The following MARF1 variants were observed in gnomAD, a reference collection of about 807,000 sequenced individuals.
MARF1 encodes meiosis regulator and mRNA stability factor 1, also known as limkain-b1.
In MARF1, 24 loss-of-function variants were observed where a neutral mutation model predicts 168.2. The ratio of observed to expected loss-of-function variants is 0.14; its 90% confidence interval spans 0.10 to 0.20. The LOEUF (loss-of-function observed/expected upper bound fraction) is 0.20, where lower values mean the gene tolerates loss of function less well. Ranked by LOEUF, MARF1 falls within the 10% of genes least tolerant of loss-of-function variation. MARF1 has a pLI of 1.00. For missense variants in MARF1, 1,744 were observed against 2,143.6 expected, an observed-to-expected ratio of 0.81 and a Z score of 3.68; for synonymous variants, 868 against 822.4, an observed-to-expected ratio of 1.06 and a Z score of -0.95.
chr16:15,634,998 A>G, intron 3 of MARF1, 67 bp from the exon 4 acceptor site: 5 of 1,388,900 alleles, frequency 3.6e-6, no homozygotes, highest in Non-Finnish European at 5.0e-6. Flanking sequence ...GGAGTTATAT[A>G]CAACAACTGA....
chr16:15,611,791 T>C, intron 17 of MARF1, 57 bp from the exon 18 acceptor site: 1 of 1,472,700 alleles, frequency 6.8e-7, no homozygotes, highest in Non-Finnish European at 9.4e-7. Flanking sequence ...GCGACTTCCT[T>C]GCTGCTGGCT....
chr16:15,622,557 A>G (rs1420094989), intron 11 of MARF1, among the ~76,000 whole-genome samples: 1 of 151,936 alleles, frequency 6.6e-6, no homozygotes, highest in Admixed American at 6.6e-5. Context: ...ACGCCCGGCT[A>G]ATTTTTTTTT....
chr16:15,603,696 G>A (rs1486891706), intron 22 of MARF1, among the ~76,000 whole-genome samples: 3 of 151,598 alleles, frequency 2.0e-5, no homozygotes, highest in East Asian at 1.9e-4. Context: ...TATATCTGTC[G>A]CCCGAGAATT....
intron 16 of MARF1, among the ~76,000 whole-genome samples, chr16:15,613,632 A>G (rs1334290050): frequency 6.8e-6 from 1 of 147,230 alleles, no homozygotes; most frequent in Admixed American, 6.9e-5. Flanking sequence ...ACTGCACTCC[A>G]GCCTGGGACA....
At chr16:15,613,599 TTGCAGTG>T (rs1353483987) in intron 16 of MARF1, among the ~76,000 whole-genome samples, 5 of 151,248 alleles carry the variant, frequency 3.3e-5, no homozygotes, top group African/African-American at 1.2e-4. Flanking sequence ...GAGGTGGAGC[TTGCAGTG>T]AGCCTAGATT....
chr16:15,596,685 A>T lies in MARF1; in HGVS notation c.*8T>A, dbSNP rs368818123. On this transcript the variant is annotated 3_prime_UTR_variant, in exon 27 of 27. Coordinates refer to ENST00000396368, the MANE Select transcript of MARF1 (RefSeq NM_014647.4). ...TTTCCCATCCTAATTCTATATTCCA[A>T]ATGGGAGTTAAAGCTTGGTTATAGG... 20 of 1,570,770 alleles carry T rather than the reference A, an allele frequency of 1.3e-5. No individual in the cohort carries two copies. The highest frequency in any genetic ancestry group is 1.5e-5 in the Non-Finnish European group (17 of 1,152,846).
In MARF1 at chr16:15,596,584, G is replaced by A. The variant is rs1596414544; in HGVS notation, c.*109C>T. On this transcript the variant is annotated 3_prime_UTR_variant, in exon 27 of 27. Coordinates refer to ENST00000396368, the MANE Select transcript of MARF1 (RefSeq NM_014647.4). Reference sequence around the variant, plus strand: ...AGAACACAGGTAAGATGAAGTCAATGGCTTCGGGGGGTTTTCATGACACAG... The same window carrying A: ...AGAACACAGGTAAGATGAAGTCAATAGCTTCGGGGGGTTTTCATGACACAG... The A allele has an allele frequency of 3.4e-6, 4 of 1,163,342 alleles. No individual in the cohort carries two copies. In the East Asian group the frequency reaches 1.0e-4, roughly 30 times the overall value. The allele number at this position is 1,163,342 out of a possible 1,614,324, so 72.1% of individuals were successfully genotyped here.
At chr16:15,609,378 A>G in intron 20 of MARF1, 145 bp downstream of exon 20, 1 of 627,616 alleles carries the variant, frequency 1.6e-6, no homozygotes. Flanking sequence ...AGTCAGGAAT[A>G]TGGCTTCTCT....
intron 16 of MARF1, 57 bp from the exon 17 acceptor site, chr16:15,612,834 A>C: frequency 6.8e-7 from 1 of 1,466,678 alleles, no homozygotes; most frequent in Non-Finnish European, 9.5e-7. Flanking sequence ...AGCTGAAAGA[A>C]GGGAAAATGG....
chr16:15,619,331 ATT>A (rs1029442770), intron 13 of MARF1, among the ~76,000 whole-genome samples: 1 of 152,210 alleles, frequency 6.6e-6, no homozygotes, highest in Non-Finnish European at 1.5e-5. Context: ...TTTCAATGAC[ATT>A]TGACATTTTG....
At chr16:15,599,295 A>C in intron 25 of MARF1, 1 of 467,780 alleles carries the variant, frequency 2.1e-6, no homozygotes, top group East Asian at 3.6e-5. Flanking sequence ...ACCAGAGAAA[A>C]GGGTCCTGCA....
At chr16:15,622,576 C>T (rs563211857) in intron 11 of MARF1, among the ~76,000 whole-genome samples, 2 of 152,034 alleles carry the variant, frequency 1.3e-5, no homozygotes, top group Admixed American at 6.6e-5. Flanking sequence ...TTAGTAGAGA[C>T]GGGGTTTCAC....
intron 16 of MARF1, among the ~76,000 whole-genome samples, chr16:15,615,486 G>A (rs774784918): frequency 7.2e-5 from 11 of 151,928 alleles, no homozygotes; most frequent in South Asian, 2.1e-4. Context: ...TTAGCTGGGC[G>A]TGGTGGCTGG....
At chr16:15,630,553 T>G (rs1338679915) in intron 6 of MARF1, 49 bp from the exon 7 acceptor site, 2 of 1,531,948 alleles carry the variant, frequency 1.3e-6, no homozygotes, top group Admixed American at 1.9e-5. Context: ...TTAGAAACAC[T>G]TGACAAAGAC....
chr16:15,629,787 G>A (rs1464664785), intron 7 of MARF1, among the ~76,000 whole-genome samples: 2 of 152,152 alleles, frequency 1.3e-5, no homozygotes, highest in East Asian at 3.9e-4. Flanking sequence ...CCCAGTATAT[G>A]GCATAAACAG....
Position 15,617,409 on chromosome 16 carries a change from C to T in MARF1, c.2847G>A (p.Gly949=), listed in dbSNP as rs1212181816. 6 of 1,614,014 alleles carry T rather than the reference C, an allele frequency of 3.7e-6. No homozygotes were observed. In the Admixed American group the frequency reaches 6.7e-5, roughly 18 times the overall value. ...AGGAGCCGTCGTGTGACTGGGAAGA[C>T]CCCAAGGGGCTCTGGCGGGCCTGAC... ...PSSQARQSPL[G]SSQSHDGSST... is the part of the protein sequence containing the mutation. Residue 949 remains glycine, a synonymous_variant, in exon 14 of 27, where the codon GGG becomes GGA. Coordinates refer to ENST00000396368, the MANE Select transcript of MARF1 (RefSeq NM_014647.4).
Position 15,636,281 on chromosome 16 carries a change from T to C in MARF1, c.206A>G (p.His69Arg). ...VELKDVPSPL[H>R]AGSKLFPAVP... ...TGCTGGAAAAAGCTTAGAGCCAGCA[T>C]GAAGGGGTGATGGTACATCCTTTAG... The change falls in exon 3 of 27, where the codon CAT becomes CGT. Residue 69 changes from histidine (H) to arginine (R), a missense_variant. Physicochemically the swap from His to Arg is conservative, Grantham distance 29 (BLOSUM62 0). Around this residue, in one of 7 missense-constraint regions of MARF1, gnomAD observed 318 missense variants for 336.6 expected, o/e 0.94. Coordinates refer to ENST00000396368, the MANE Select transcript of MARF1 (RefSeq NM_014647.4). 1.9e-6 allele frequency: 3 copies of C among 1,611,870 alleles called. No homozygotes were observed. Among genetic ancestry groups the C allele is most frequent in the Non-Finnish European group, 2.5e-6 (3 of 1,178,674 alleles).
rs1478153089 is a variant in MARF1, at chr16:15,625,190, A to C, written c.1954-17T>G. 1 of 1,609,272 alleles carries C rather than the reference A, an allele frequency of 6.2e-7. No individual in the cohort carries two copies. Reference sequence around the variant, plus strand: ...GCACAGCTCCTTCAAAGACACAAGCACAGTGGGGTTTAAATTTTAAGTACC... The same window carrying C: ...GCACAGCTCCTTCAAAGACACAAGCCCAGTGGGGTTTAAATTTTAAGTACC... On this transcript the variant is annotated splice_polypyrimidine_tract_variant and intron_variant, in intron 8 of 26. Transcript: ENST00000396368.
chr16:15,597,064 T>A (rs1430332043), intron 26 of MARF1, 127 bp from the exon 27 acceptor site: 11 of 1,068,300 alleles, frequency 1.0e-5, no homozygotes, highest in South Asian at 1.8e-5. Flanking sequence ...GCTACATCTA[T>A]GCCACAGTTT....
Sources: allele counts gnomAD v4.1 joint callset (sites outside exome capture counted in the v4.1 genomes callset), GRCh38; gene constraint gnomAD v4.1.1; regional missense constraint gnomAD v4.1.1; transcripts MANE v1.5; gene names NCBI Gene and HGNC (gene_info 2026-07-23, HGNC 2026-07-21).